Variants in PPP1CA observed in about 807,000 individuals in gnomAD.
PPP1CA encodes the protein serine/threonine-protein phosphatase PP1-alpha catalytic subunit.
Under a neutral mutation model 38.5 loss-of-function variants are expected in PPP1CA, and 14 were observed. That is an observed-to-expected ratio of 0.36 (90% CI 0.24 to 0.57). The LOEUF (loss-of-function observed/expected upper bound fraction) is 0.57, where lower values mean the gene tolerates loss of function less well. Among genes scored for constraint, PPP1CA ranks in the 20% least tolerant of loss-of-function variants. The pLI, the probability that PPP1CA is intolerant of heterozygous loss-of-function variation, is 0.80. For missense variants in PPP1CA, 277 were observed against 435.2 expected (o/e 0.64, Z 3.23); for synonymous variants, 200 against 177.3 (o/e 1.13, Z -1.02).
chr11:67,401,231 C>T (rs1862881854), intron 1 of PPP1CA, 32 bp from the exon 2 acceptor site: 2 of 1,610,474 alleles, frequency 1.2e-6, no homozygotes, highest in Non-Finnish European at 1.7e-6. Flanking sequence ...GGACCCTGGA[C>T]CCTGACAGGA....
At position 67,399,777 on chromosome 11, in the gene PPP1CA, C is replaced by T. The variant is rs1862839781; in HGVS notation, c.419-112G>A. On this transcript the variant is annotated intron_variant, in intron 3 of 6. Transcript: ENST00000376745. ...AGAGTCAGGCACCGATGCAAACCAC[C>T]CCCCACCCCTGCCACCTGTCAGCCT... The T allele has an allele frequency of 1.0e-5, 8 of 764,768 alleles. No homozygotes were observed. In the Admixed American group the frequency reaches 1.4e-4, roughly 13 times the overall value. 47.4% of individuals were successfully genotyped at this position (764,768 alleles called of 1,614,324 possible). A position where few individuals can be genotyped will look rare whatever the true frequency, so the allele number is the denominator to read the frequency against.
Position 67,398,361 on chromosome 11 carries a change from T to TG in PPP1CA, c.*173dup, listed in dbSNP as rs1862784948. ...CGCAGGTGCAGGCAGGAAGCAGCCC[T>TG]GGGGGACTGGACGCTGCTATTGATT... On this transcript the variant is annotated 3_prime_UTR_variant, in exon 7 of 7. Coordinates refer to ENST00000376745, the MANE Select transcript of PPP1CA (RefSeq NM_002708.4). 1 of 677,560 alleles carries TG rather than the reference T, an allele frequency of 1.5e-6. No homozygotes were observed. Among genetic ancestry groups the TG allele is most frequent in the Non-Finnish European group, 2.4e-6 (1 of 411,018 alleles). 42.0% of individuals were successfully genotyped at this position (677,560 alleles called of 1,614,324 possible).
intron 1 of PPP1CA, 123 bp from the exon 2 acceptor site, chr11:67,401,322 G>C: frequency 2.7e-6 from 4 of 1,497,698 alleles, no homozygotes; most frequent in Non-Finnish European, 3.6e-6. Flanking sequence ...CCCACAGGCA[G>C]CTGTTGCTGC....
At chr11:67,400,439 AG>A (rs908929074) in intron 3 of PPP1CA, among the ~76,000 whole-genome samples, 1 of 152,214 alleles carries the variant, frequency 6.6e-6, no homozygotes, top group Non-Finnish European at 1.5e-5. Context: ...TAGCAAATGT[AG>A]GGGGAGTGTC....
rs754250467 is a variant in PPP1CA, at chr11:67,400,901, T to TA, written c.205dup (p.Tyr69LeufsTer9). 1 of 1,614,092 alleles carries TA rather than the reference T, an allele frequency of 6.2e-7. No individual in the cohort carries two copies. The highest frequency in any genetic ancestry group is 8.5e-7 in the Non-Finnish European group (1 of 1,180,016). On this transcript the variant is annotated frameshift_variant, in exon 3 of 7. Transcript: ENST00000376745. LOFTEE classifies it high-confidence loss of function. ...CTCAAATAGTCGCAGAAGGTCGTAG[T>TA]ACTGGCCGTGTATGTCACCTGTGAC...
At position 67,398,594 on chromosome 11, in the gene PPP1CA, G is replaced by A. The variant is rs1862796237; in HGVS notation, c.934C>T (p.Leu312=). Residue 312 remains leucine (L), a synonymous_variant, in exon 7 of 7, where the codon CTG becomes TTG. Transcript: ENST00000376745. ...GTGATGGGTCGGCCTCCAGGGTTCA[G>A]GCCACTGAACTGCCCGTACTTCCCC... ...NKGKYGQFSG[L]NPGGRPITPP... is the part of the protein sequence containing the mutation. The A allele has an allele frequency of 6.2e-7, 1 of 1,614,024 alleles. No individual in the cohort carries two copies. Among genetic ancestry groups the A allele is most frequent in the Non-Finnish European group, 8.5e-7 (1 of 1,180,018 alleles).
At chr11:67,401,531 G>T (rs979028884) in intron 1 of PPP1CA, 197 bp downstream of exon 1, 5 of 556,478 alleles carry the variant, frequency 9.0e-6, no homozygotes, top group East Asian at 6.3e-5. Context: ...CCCGGGAGAG[G>T]GGGGGAGCTG....
In PPP1CA at chr11:67,398,756, A is replaced by G; in HGVS notation, c.848T>C (p.Met283Thr). ...CGEFDNAGAM[M>T]SVDETLMCSF... The stretch of plus-strand genomic sequence containing the variant: ...GCACATGAGGGTCTCGTCCACACTC[A>G]TCATGGCGCCAGCATTGTCAAACTC... The change falls in exon 6 of 7, where the codon ATG (methionine) becomes ACG (threonine). Residue 283 changes from methionine to threonine, a missense_variant. Transcript: ENST00000376745. 6.2e-7 allele frequency: 1 copy of G among 1,613,950 alleles called. No individual in the cohort carries two copies. The highest frequency in any genetic ancestry group is 8.5e-7 in the Non-Finnish European group (1 of 1,180,030).
intron 1 of PPP1CA, 122 bp from the exon 2 acceptor site, chr11:67,401,321 A>G: frequency 6.6e-7 from 1 of 1,513,070 alleles, no homozygotes; most frequent in Non-Finnish European, 9.0e-7. Flanking sequence ...GCCCACAGGC[A>G]GCTGTTGCTG....
intron 1 of PPP1CA, 147 bp from the exon 2 acceptor site, chr11:67,401,346 A>C (rs987676950): frequency 1.6e-5 from 22 of 1,380,454 alleles, no homozygotes; most frequent in Non-Finnish European, 2.2e-5. Flanking sequence ...GCCTCCCGGG[A>C]CCGCGGCCTC....
Position 67,401,511 on chromosome 11 carries a change from G to C in PPP1CA, c.55+217C>G, listed in dbSNP as rs1862888400. ...CGCCCCAAGAGCCCAGGCAACCCGT[G>C]CGCCCCCAGCCCGGGAGAGGGGGGG... is the stretch of plus-strand genomic sequence containing the variant. On this transcript the variant is annotated intron_variant, in intron 1 of 6. Coordinates refer to ENST00000376745, the MANE Select transcript of PPP1CA (RefSeq NM_002708.4). The C allele has an allele frequency of 3.5e-5, 20 of 565,702 alleles. No homozygotes were observed. In the South Asian group the frequency reaches 5.2e-4, roughly 15 times the overall value. 35.0% of individuals were successfully genotyped at this position (565,702 alleles called of 1,614,324 possible).
At chr11:67,401,414 C>T in intron 1 of PPP1CA, 1 of 784,250 alleles carries the variant, frequency 1.3e-6, no homozygotes, top group Non-Finnish European at 2.0e-6. Flanking sequence ...GACTGTCGTG[C>T]GCAGGGGGCT....
In PPP1CA at chr11:67,401,825, T is replaced by C; in HGVS notation, c.-43A>G. ...AGCCCAGCAGCTCCTGGCCCGCTCC[T>C]GCCTCCCGCCCTCCGGCAGCCTCCT... On this transcript the variant is annotated 5_prime_UTR_variant, in exon 1 of 7. Coordinates refer to ENST00000376745, the MANE Select transcript of PPP1CA (RefSeq NM_002708.4). 1 of 1,373,042 alleles carries C rather than the reference T, an allele frequency of 7.3e-7. No homozygotes were observed. Among genetic ancestry groups the C allele is most frequent in the Non-Finnish European group, 9.5e-7 (1 of 1,051,456 alleles). The allele number at this position is 1,373,042 out of a possible 1,614,324, so 85.1% of individuals were successfully genotyped here. A position where few individuals can be genotyped will look rare whatever the true frequency, so the allele number is the denominator to read the frequency against.
In PPP1CA at chr11:67,398,197, G is replaced by C; in HGVS notation, c.*338C>G. ...GAGGCCATGGCGAGAATCCAGCTTT[G>C]ACCTTTATTCAAGAGACCAGATGGG... On this transcript the variant is annotated 3_prime_UTR_variant, in exon 7 of 7. Transcript: ENST00000376745. 1 of 342,810 alleles carries C rather than the reference G, an allele frequency of 2.9e-6. No homozygotes were observed. Among genetic ancestry groups the C allele is most frequent in the East Asian group, 6.4e-5 (1 of 15,508 alleles). 21.2% of individuals were successfully genotyped at this position (342,810 alleles called of 1,614,324 possible).
At chr11:67,401,386 C>T in intron 1 of PPP1CA, 187 bp from the exon 2 acceptor site, 1 of 994,932 alleles carries the variant, frequency 1.0e-6, no homozygotes, top group Non-Finnish European at 1.4e-6. Flanking sequence ...CCCAGCTACC[C>T]TCAGCGCCTC....
Position 67,398,589 on chromosome 11 carries a change from G to T in PPP1CA, c.939C>A (p.Asn313Lys). Residue 313 changes from asparagine to lysine, a missense_variant, in exon 7 of 7, where the codon AAC becomes AAA. By Grantham distance (94) the Asn-to-Lys change is moderately conservative. This residue lies in a region of PPP1CA where 53 missense variants were observed against 51.1 expected (regional missense o/e 1.04). Coordinates refer to ENST00000376745, the MANE Select transcript of PPP1CA (RefSeq NM_002708.4). ...GTGGGGTGATGGGTCGGCCTCCAGG[G>T]TTCAGGCCACTGAACTGCCCGTACT... ...KGKYGQFSGL[N>K]PGGRPITPPR... is the part of the protein sequence containing the mutation. The T allele has an allele frequency of 6.2e-7, 1 of 1,614,138 alleles. No individual in the cohort carries two copies. Among genetic ancestry groups the T allele is most frequent in the Non-Finnish European group, 8.5e-7 (1 of 1,180,002 alleles).
Position 67,398,210 on chromosome 11 carries a change from G to A in PPP1CA, c.*325C>T. On this transcript the variant is annotated 3_prime_UTR_variant, in exon 7 of 7. Transcript: ENST00000376745. ...GAATCCAGCTTTGACCTTTATTCAA[G>A]AGACCAGATGGGTTGCCCCAGGATC... The A allele has an allele frequency of 2.6e-6, 1 of 379,128 alleles. No individual in the cohort carries two copies. Among genetic ancestry groups the A allele is most frequent in the South Asian group, 3.2e-5 (1 of 31,168 alleles). The allele number at this position is 379,128 out of a possible 1,614,324, so 23.5% of individuals were successfully genotyped here.
Position 67,400,863 on chromosome 11 carries a change from G to C in PPP1CA, c.244C>G (p.Pro82Ala). The change falls in exon 3 of 7, where the codon CCT becomes GCT. Residue 82 changes from proline (P) to alanine (A), a missense_variant. Around this residue, in one of 3 missense-constraint regions of PPP1CA, gnomAD observed 180 missense variants for 356.7 expected, o/e 0.50. Transcript: ENST00000376745. ...LLRLFEYGGF[P>A]PESNYLFLGD... ...AGAAAGAGGTAGTTGCTCTCGGGAG[G>C]GAAACCGCCATACTCAAATAGTCGC... The C allele has an allele frequency of 6.2e-7, 1 of 1,614,108 alleles. No homozygotes were observed. The highest frequency in any genetic ancestry group is 8.5e-7 in the Non-Finnish European group (1 of 1,180,016).
At chr11:67,400,395 G>C (rs1395877916) in intron 3 of PPP1CA, among the ~76,000 whole-genome samples, 1 of 152,242 alleles carries the variant, frequency 6.6e-6, no homozygotes, top group Non-Finnish European at 1.5e-5. Context: ...CTTCTGGACA[G>C]CAGAGCCCAT....
Sources: allele counts gnomAD v4.1 joint callset (sites outside exome capture counted in the v4.1 genomes callset), GRCh38; gene constraint gnomAD v4.1.1; regional missense constraint gnomAD v4.1.1; transcripts MANE v1.5; gene names NCBI Gene and HGNC (gene_info 2026-07-23, HGNC 2026-07-21).